The following CDH12 variants were observed in gnomAD, a reference collection of about 807,000 sequenced individuals.
CDH12 encodes cadherin 12, also known as cadherin-12.
In CDH12, 41 loss-of-function variants were observed where a neutral mutation model predicts 74.1. The observed-to-expected ratio is 0.55, with a 90% CI of 0.43 to 0.72. The LOEUF (loss-of-function observed/expected upper bound fraction) is 0.72. Among genes scored for constraint, CDH12 ranks in the 30% least tolerant of loss-of-function variants. CDH12 has a pLI of 0.00. For synonymous variants in CDH12, 399 were observed against 355.0 expected (o/e 1.12, Z -1.39); for missense variants, 945 against 977.2 (o/e 0.97, Z 0.44).
At chr5:22,575,977 G>T (rs916439422) in intron 1 of CDH12, among the ~76,000 whole-genome samples, 4 of 151,956 alleles carry the variant, frequency 2.6e-5, no homozygotes, top group Non-Finnish European at 4.4e-5. Flanking sequence ...TCCCACCTCA[G>T]CCTCCCAAAG....
At chr5:22,446,917 A>G (rs1430688632) in intron 2 of CDH12, among the ~76,000 whole-genome samples, 1 of 152,124 alleles carries the variant, frequency 6.6e-6, no homozygotes, top group Admixed American at 6.6e-5. Flanking sequence ...GCCAATGTCT[A>G]TTTGTTGCAG....
intron 1 of CDH12, among the ~76,000 whole-genome samples, chr5:22,738,308 C>T (rs1183865328): frequency 1.3e-5 from 2 of 151,904 alleles, no homozygotes; most frequent in Non-Finnish European, 2.9e-5. Context: ...AGTTTTGATC[C>T]ATTGTTGTTT....
At chr5:22,651,555 G>C (rs1316679022) in intron 1 of CDH12, among the ~76,000 whole-genome samples, 1 of 152,010 alleles carries the variant, frequency 6.6e-6, no homozygotes, top group Non-Finnish European at 1.5e-5. Flanking sequence ...ACCAGCATGG[G>C]GGAAACCACT....
intron 5 of CDH12, among the ~76,000 whole-genome samples, chr5:22,060,712 CT>C (rs1168931265): frequency 6.6e-6 from 1 of 152,006 alleles, no homozygotes; most frequent in Non-Finnish European, 1.5e-5. Context: ...CCTGCAGGTT[CT>C]TTTTTTGAGA....
intron 5 of CDH12, among the ~76,000 whole-genome samples, chr5:22,064,169 T>C (rs1327390299): frequency 6.6e-6 from 1 of 152,144 alleles, no homozygotes; most frequent in Non-Finnish European, 1.5e-5. Flanking sequence ...AGAAATATAC[T>C]GTTCATGGTA....
At chr5:22,254,052 G>A (rs949462220) in intron 3 of CDH12, among the ~76,000 whole-genome samples, 3 of 151,770 alleles carry the variant, frequency 2.0e-5, no homozygotes, top group Non-Finnish European at 4.4e-5. Flanking sequence ...ATGAACTCAA[G>A]AAGTTTGAGT....
intron 4 of CDH12, among the ~76,000 whole-genome samples, chr5:22,110,604 C>T (rs1453536189): frequency 6.6e-6 from 1 of 151,914 alleles, no homozygotes; most frequent in Non-Finnish European, 1.5e-5. Flanking sequence ...TTGGTGGGTC[C>T]AGATGGAGTA....
intron 1 of CDH12, among the ~76,000 whole-genome samples, chr5:22,820,272 G>C (rs1487439300): frequency 1.3e-5 from 2 of 151,894 alleles, no homozygotes; most frequent in Non-Finnish European, 2.9e-5. Flanking sequence ...TTTCAGAAAT[G>C]ATAAACAACA....
intron 2 of CDH12, among the ~76,000 whole-genome samples, chr5:22,487,822 T>C (rs1288915866): frequency 1.3e-5 from 2 of 152,114 alleles, no homozygotes; most frequent in African/African-American, 4.8e-5. Flanking sequence ...TAGAAGAAAA[T>C]GTGAGCAACT....
chr5:22,685,130 A>G (rs9293031), intron 1 of CDH12, among the ~76,000 whole-genome samples: 102,684 of 152,130 alleles, frequency 0.67, 34,910 homozygotes, highest in Admixed American at 0.73. Flanking sequence ...GATACAATTC[A>G]TATATCATTT....
intron 2 of CDH12, among the ~76,000 whole-genome samples, chr5:22,455,408 C>T (rs1745221991): frequency 6.6e-6 from 1 of 152,132 alleles, no homozygotes; most frequent in African/African-American, 2.4e-5. Context: ...GGATCATCAG[C>T]ATTACCCGGG....
At chr5:22,845,368 G>T (rs2126531115) in intron 1 of CDH12, among the ~76,000 whole-genome samples, 1 of 152,158 alleles carries the variant, frequency 6.6e-6, no homozygotes, top group Non-Finnish European at 1.5e-5. Flanking sequence ...CCTCCCTCAA[G>T]ATATCCACTT....
rs1744792161 is a variant in CDH12, at chr5:22,737,485, A to G, written c.-523+115573T>C. ...AAGTATTAGTGTAATTAATCACCAA[A>G]CGAGCACGTATTTGCGTAATAAAAA... On this transcript the variant is annotated intron_variant, in intron 1 of 14. Coordinates refer to ENST00000382254, the MANE Select transcript of CDH12 (RefSeq NM_004061.5). 2.0e-5 allele frequency among the ~76,000 whole-genome samples: 3 copies of G among 152,042 alleles called. No homozygotes were observed. The South Asian group carries it at 6.2e-4, about 31-fold the overall frequency.
chr5:22,639,873 CG>C (rs1485946344), intron 1 of CDH12, among the ~76,000 whole-genome samples: 1 of 151,994 alleles, frequency 6.6e-6, no homozygotes, highest in Non-Finnish European at 1.5e-5. Flanking sequence ...GTTTCAGGCC[CG>C]AGTGACTTAC....
intron 5 of CDH12, among the ~76,000 whole-genome samples, chr5:21,989,472 A>G (rs1757657135): frequency 6.6e-6 from 1 of 152,146 alleles, no homozygotes; most frequent in African/African-American, 2.4e-5. Context: ...ATTAGCAGGT[A>G]AAACATTTAT....
chr5:22,100,739 A>C (rs1744095090), intron 4 of CDH12, among the ~76,000 whole-genome samples: 1 of 151,988 alleles, frequency 6.6e-6, no homozygotes, highest in Non-Finnish European at 1.5e-5. Context: ...ACATTTAGTT[A>C]AATTATAAAT....
chr5:22,211,606 C>T (rs1751547631), intron 4 of CDH12, among the ~76,000 whole-genome samples: 1 of 151,588 alleles, frequency 6.6e-6, no homozygotes, highest in South Asian at 2.1e-4. Context: ...CTTACAATAC[C>T]TTTCTAGATA....
intron 4 of CDH12, among the ~76,000 whole-genome samples, chr5:22,197,146 T>G (rs747959163): frequency 4.1e-4 from 62 of 151,992 alleles, no homozygotes; most frequent in Non-Finnish European, 5.1e-4. Context: ...TACCTCAACT[T>G]AAAGAATGGA....
intron 6 of CDH12, among the ~76,000 whole-genome samples, chr5:21,946,870 A>C (rs914786505): frequency 6.6e-6 from 1 of 152,176 alleles, no homozygotes; most frequent in Non-Finnish European, 1.5e-5. Context: ...CTGTGGCCCC[A>C]CCCAAATCTC....
Sources: gnomAD v4.1 joint callset for allele counts (sites outside exome capture counted in the v4.1 genomes callset) on GRCh38, gnomAD v4.1.1 for gene constraint, MANE v1.5 for transcripts, NCBI Gene and HGNC (gene_info 2026-07-23, HGNC 2026-07-21) for gene names.